The following CHD9NB variants were observed in gnomAD, a reference collection of about 807,000 sequenced individuals.
CHD9NB encodes the protein CHD9 neighbor protein.
At chr16:53,047,590 C>G in the CHD9NB span, among the ~76,000 whole-genome samples, 1 of 152,188 alleles carries the variant, frequency 6.6e-6, no homozygotes, top group African/African-American at 2.4e-5. Flanking sequence ...TATAAGGATA[C>G]CAGTTCTATC....
At chr16:53,041,429 C>T in the CHD9NB span, among the ~76,000 whole-genome samples, 2 of 152,168 alleles carry the variant, frequency 1.3e-5, no homozygotes, top group African/African-American at 4.8e-5. Context: ...GCATGCCTGC[C>T]ACAGCTGGAG....
chr16:53,036,811 A>G, the CHD9NB span, among the ~76,000 whole-genome samples: 1 of 152,238 alleles, frequency 6.6e-6, no homozygotes, highest in East Asian at 1.9e-4. Flanking sequence ...CTGTCAGACA[A>G]CTTTGTATCC....
the CHD9NB span, among the ~76,000 whole-genome samples, chr16:53,047,836 A>G: frequency 3.3e-5 from 5 of 152,032 alleles, no homozygotes; most frequent in Admixed American, 6.6e-5. Flanking sequence ...CATCTCTACT[A>G]AAAATACACA....
chr16:53,052,448 C>A, the CHD9NB span, among the ~76,000 whole-genome samples: 6 of 152,182 alleles, frequency 3.9e-5, no homozygotes, highest in Non-Finnish European at 7.3e-5. Flanking sequence ...TATTTACATA[C>A]TTCAGCCTAC....
the CHD9NB span, chr16:53,043,908 C>G: frequency 1.3e-5 from 5 of 398,000 alleles, no homozygotes; most frequent in East Asian, 1.1e-4. Flanking sequence ...TCCCAGTGAT[C>G]GGAGCTTCTC....
At chr16:53,050,276 G>A in the CHD9NB span, among the ~76,000 whole-genome samples, 1 of 152,170 alleles carries the variant, frequency 6.6e-6, no homozygotes, top group Non-Finnish European at 1.5e-5. Context: ...GGAAGCCAAG[G>A]TAGGTGGATG....
chr16:53,039,134 G>A, the CHD9NB span, among the ~76,000 whole-genome samples: 3 of 152,154 alleles, frequency 2.0e-5, no homozygotes, highest in African/African-American at 7.2e-5. Flanking sequence ...ACAAATCTAA[G>A]TGGATCTGAT....
the CHD9NB span, among the ~76,000 whole-genome samples, chr16:53,049,488 G>C: frequency 6.6e-6 from 1 of 152,160 alleles, no homozygotes; most frequent in East Asian, 1.9e-4. Flanking sequence ...TCTTACTCCT[G>C]ATTCAGGGGC....
At chr16:53,038,707 T>C in the CHD9NB span, among the ~76,000 whole-genome samples, 1 of 151,870 alleles carries the variant, frequency 6.6e-6, no homozygotes, top group Admixed American at 6.6e-5. Context: ...AACAACGGGG[T>C]TTTATTGTAG....
chr16:53,036,713 G>A, the CHD9NB span, among the ~76,000 whole-genome samples: 1 of 152,186 alleles, frequency 6.6e-6, no homozygotes, highest in Non-Finnish European at 1.5e-5. Context: ...ACACAGTGCC[G>A]TAGGCTAGAC....
chr16:53,051,081 G>A, the CHD9NB span, among the ~76,000 whole-genome samples: 33 of 152,058 alleles, frequency 2.2e-4, no homozygotes, highest in African/African-American at 7.7e-4. Context: ...TAGAGACAGG[G>A]TTTCACCGTG....
At chr16:53,047,144 GCACACA>G in the CHD9NB span, 1 of 150,778 alleles carries the variant, frequency 6.6e-6, no homozygotes, top group Non-Finnish European at 1.5e-5. Flanking sequence ...ACATGCACAC[GCACACA>G]CACACACACA....
chr16:53,041,353 G>A, the CHD9NB span, among the ~76,000 whole-genome samples: 2 of 152,310 alleles, frequency 1.3e-5, no homozygotes, highest in Non-Finnish European at 2.9e-5. Context: ...AGTGGATAAC[G>A]GGAATGTCCT....
chr16:53,048,229 C>T, the CHD9NB span, among the ~76,000 whole-genome samples: 1 of 152,056 alleles, frequency 6.6e-6, no homozygotes. Context: ...AATGGTGAAA[C>T]CCCATCTCTA....
the CHD9NB span, among the ~76,000 whole-genome samples, chr16:53,046,088 C>T: frequency 1.3e-5 from 2 of 152,182 alleles, no homozygotes; most frequent in African/African-American, 4.8e-5. Flanking sequence ...ACCTCTCCCA[C>T]ATAAATGCCA....
the CHD9NB span, chr16:53,044,309 C>T: frequency 2.5e-6 from 1 of 396,764 alleles, no homozygotes; most frequent in Non-Finnish European, 4.4e-6. Context: ...AAGGAGACGC[C>T]CCGCTGTGCA....
chr16:53,042,671 G>A, the CHD9NB span: 20 of 151,744 alleles, frequency 1.3e-4, no homozygotes, highest in Middle Eastern at 3.4e-3. Flanking sequence ...CAAGCTGACC[G>A]GTTACATACT....
the CHD9NB span, among the ~76,000 whole-genome samples, chr16:53,038,549 C>CA: frequency 6.6e-6 from 1 of 152,138 alleles, no homozygotes; most frequent in Non-Finnish European, 1.5e-5. Context: ...CGAGGTTTTG[C>CA]CATGTTGGCC....
the CHD9NB span, among the ~76,000 whole-genome samples, chr16:53,049,243 C>T: frequency 0.27 from 41,518 of 151,668 alleles, 7,144 homozygotes; most frequent in Non-Finnish European, 0.38. Context: ...GCAGCCTCAA[C>T]CTTCTGGGCT....
Sources: gnomAD v4.1 joint callset for allele counts (sites outside exome capture counted in the v4.1 genomes callset) on GRCh38, gnomAD v4.1.1 for gene constraint, MANE v1.5 for transcripts, NCBI Gene and HGNC (gene_info 2026-07-23, HGNC 2026-07-21) for gene names.